SMPD3: variants seen among roughly 807,000 people sequenced by gnomAD.
SMPD3 encodes sphingomyelin phosphodiesterase 3, also known as nSMase-2.
A neutral mutation model predicts 55.7 loss-of-function variants in SMPD3; 21 were observed. That is an observed-to-expected ratio of 0.38 (90% confidence interval 0.27 to 0.54). The LOEUF (loss-of-function observed/expected upper bound fraction) is 0.54, where lower values mean the gene tolerates loss of function less well. Ranked by LOEUF, SMPD3 falls within the 20% of genes least tolerant of loss-of-function variation. The probability of loss-of-function intolerance (pLI) is 0.80; values close to 1 mark genes in which losing one functional copy is unlikely to be tolerated. For synonymous variants in SMPD3, 457 were observed against 404.3 expected, an observed-to-expected ratio of 1.13 and a Z score of -1.56; for missense variants, 842 against 899.6, an observed-to-expected ratio of 0.94 and a Z score of 0.82.
chr16:68,388,833 T>C (rs1168778894), intron 1 of SMPD3, among the ~76,000 whole-genome samples: 1 of 152,204 alleles, frequency 6.6e-6, no homozygotes, highest in Admixed American at 6.5e-5. Flanking sequence ...ATTGATATTC[T>C]GAGCCAGGCC....
rs200027167 is a variant in SMPD3 at position 68,363,485 on chromosome 16, G to T, written c.1709+11C>A. The T allele has an allele frequency of 7.4e-6, 12 of 1,613,986 alleles. No homozygotes were observed. The highest frequency in any genetic ancestry group is 1.1e-5 in the South Asian group (1 of 91,076). On this transcript the variant is annotated intron_variant, in intron 7 of 8. Coordinates refer to ENST00000219334, the MANE Select transcript of SMPD3 (RefSeq NM_018667.4). ...TGTGCCTCGTCCCTGGCCTGGGAGC[G>T]CAGTGCTTACTTCTGCAGGTTGTCG...
At chr16:68,411,148 A>G (rs1383442478) in intron 1 of SMPD3, among the ~76,000 whole-genome samples, 1 of 152,256 alleles carries the variant, frequency 6.6e-6, no homozygotes, top group African/African-American at 2.4e-5. Context: ...CAGGCAAAGC[A>G]GGCCGGGGTC....
At chr16:68,422,880 CT>C (rs1354276431) in intron 1 of SMPD3, among the ~76,000 whole-genome samples, 1 of 152,106 alleles carries the variant, frequency 6.6e-6, no homozygotes, top group Non-Finnish European at 1.5e-5. Context: ...TCCTTTTCAG[CT>C]AGAATATTGG....
chr16:68,401,581 T>A (rs2090206398), intron 1 of SMPD3, among the ~76,000 whole-genome samples: 1 of 151,894 alleles, frequency 6.6e-6, no homozygotes, highest in Non-Finnish European at 1.5e-5. Flanking sequence ...TGTCCAAGAA[T>A]CTCCCTGAAT....
In SMPD3 at chr16:68,383,554, C is replaced by T. The variant is rs571118413; in HGVS notation, c.-207+3044G>A. 2.0e-5 allele frequency among the ~76,000 whole-genome samples: 3 copies of T among 152,280 alleles called. No individual in the cohort carries two copies. The East Asian group carries it at 5.8e-4, about 29-fold the overall frequency. On this transcript the variant is annotated intron_variant, in intron 2 of 8. Coordinates refer to ENST00000219334, the MANE Select transcript of SMPD3 (RefSeq NM_018667.4). Reference sequence around the variant, plus strand: ...CCTTGGTCCTGGCGCCATCCTCTTGCTCCCCGCACCATGGGACTGCTCCTT... The same window carrying T: ...CCTTGGTCCTGGCGCCATCCTCTTGTTCCCCGCACCATGGGACTGCTCCTT...
intron 2 of SMPD3, 131 bp from the exon 3 acceptor site, chr16:68,372,518 T>C: frequency 5.0e-6 from 2 of 398,138 alleles, no homozygotes; most frequent in Non-Finnish European, 9.3e-6. Context: ...AGAACCAGGC[T>C]GGAGCTGGCA....
chr16:68,407,874 C>A (rs1345149979), intron 1 of SMPD3, among the ~76,000 whole-genome samples: 1 of 152,090 alleles, frequency 6.6e-6, no homozygotes. Context: ...TTTCTACTGG[C>A]AGAGGAAAAA....
At chr16:68,426,901 G>C (rs1669516287) in intron 1 of SMPD3, among the ~76,000 whole-genome samples, 1 of 151,684 alleles carries the variant, frequency 6.6e-6, no homozygotes, top group Non-Finnish European at 1.5e-5. Context: ...AGGTCAATAT[G>C]GTTATTCCCA....
chr16:68,422,740 C>A (rs1399365283), intron 1 of SMPD3, among the ~76,000 whole-genome samples: 1 of 152,126 alleles, frequency 6.6e-6, no homozygotes, highest in Non-Finnish European at 1.5e-5. Context: ...GAATAGTGGG[C>A]GAGTTTCTGC....
At chr16:68,382,058 T>C (rs374346522) in intron 2 of SMPD3, 1 of 152,250 alleles carries the variant, frequency 6.6e-6, no homozygotes, top group African/African-American at 2.4e-5. Flanking sequence ...TCCAAGTTCT[T>C]CTAGCACCAT....
chr16:68,406,900 A>C (rs1452753909), intron 1 of SMPD3, among the ~76,000 whole-genome samples: 8 of 152,164 alleles, frequency 5.3e-5, no homozygotes, highest in Admixed American at 3.3e-4. Context: ...GGAATGAAAA[A>C]TCCGCTCTCA....
At chr16:68,377,062 G>A (rs1318454204) in intron 2 of SMPD3, among the ~76,000 whole-genome samples, 1 of 152,210 alleles carries the variant, frequency 6.6e-6, no homozygotes, top group Non-Finnish European at 1.5e-5. Context: ...TCCTGGGCAC[G>A]GTTCTGGGGG....
intron 3 of SMPD3, 45 bp from the exon 4 acceptor site, chr16:68,365,137 G>A: frequency 6.3e-7 from 1 of 1,599,694 alleles, no homozygotes. Context: ...AGTCACTGTG[G>A]CCCTGAGAGC....
intron 1 of SMPD3, among the ~76,000 whole-genome samples, chr16:68,396,809 GAAAAC>G (rs1002308546): frequency 2.0e-5 from 3 of 152,202 alleles, no homozygotes; most frequent in African/African-American, 7.2e-5. Context: ...TAAAACAAAA[GAAAAC>G]AAAACGAAAA....
rs539792937 is a variant in SMPD3, at chr16:68,387,320, C to T, written c.-268-661G>A. Among the ~76,000 whole-genome samples, 5 of 152,234 alleles carry T rather than the reference C, an allele frequency of 3.3e-5. No homozygotes were observed. The East Asian group carries it at 5.8e-4, about 18-fold the overall frequency. On this transcript the variant is annotated intron_variant, in intron 1 of 8. Transcript: ENST00000219334. ...AACCCAGCGGGGTCTTTGGAGGAGA[C>T]AGCTGGGAGGGAACTCATGTGAACC...
chr16:68,410,310 T>A (rs1242169478), intron 1 of SMPD3, among the ~76,000 whole-genome samples: 4 of 151,970 alleles, frequency 2.6e-5, no homozygotes, highest in Non-Finnish European at 5.9e-5. Context: ...GCAGAGGCGA[T>A]GGGCCATGCC....
In SMPD3 at chr16:68,371,431, C is replaced by G. The variant is rs1199306146; in HGVS notation, c.751G>C (p.Glu251Gln). Residue 251 changes from glutamate (E) to glutamine (Q), a missense_variant, in exon 3 of 9, where the codon GAG becomes CAG. By Grantham distance (29) the Glu-to-Gln change is conservative. This residue lies in a region of SMPD3 where 649 missense variants were observed against 643.6 expected (regional missense o/e 1.01). Coordinates refer to ENST00000219334, the MANE Select transcript of SMPD3 (RefSeq NM_018667.4). ...DACIVRIGGE[E>Q]GGRPPEADDP... ...TCAGCTTCAGGTGGCCGGCCGCCCT[C>G]CTCGCCACCGATGCGCACGATGCAG... is the stretch of plus-strand genomic sequence containing the variant. 5 of 1,577,456 alleles carry G rather than the reference C, an allele frequency of 3.2e-6. No homozygotes were observed. Among genetic ancestry groups the G allele is most frequent in the Non-Finnish European group, 4.3e-6 (5 of 1,169,714 alleles).
intron 1 of SMPD3, among the ~76,000 whole-genome samples, chr16:68,446,049 G>A (rs1198495538): frequency 2.0e-5 from 3 of 152,204 alleles, no homozygotes; most frequent in Admixed American, 2.0e-4. Flanking sequence ...GGAGGCCAAA[G>A]TGACAAAAGT....
intron 1 of SMPD3, among the ~76,000 whole-genome samples, chr16:68,398,469 T>C (rs1280186363): frequency 2.0e-5 from 3 of 152,178 alleles, no homozygotes; most frequent in Non-Finnish European, 4.4e-5. Context: ...AGGAGGATCC[T>C]GGCCTGAGGT....
Sources: gnomAD v4.1 joint callset for allele counts (sites outside exome capture counted in the v4.1 genomes callset) on GRCh38, gnomAD v4.1.1 for gene constraint, gnomAD v4.1.1 regional missense constraint, MANE v1.5 for transcripts, NCBI Gene and HGNC (gene_info 2026-07-23, HGNC 2026-07-21) for gene names.